NUP160: variants seen among roughly 807,000 people sequenced by gnomAD.
NUP160 encodes the protein nucleoporin 160, also known as nuclear pore complex protein Nup160.
In NUP160, 94 loss-of-function variants were observed where a neutral mutation model predicts 196.9. That is an observed-to-expected ratio of 0.48 (90% CI 0.40 to 0.57). NUP160 has a LOEUF of 0.57. Ranked by LOEUF, NUP160 falls within the 20% of genes least tolerant of loss-of-function variation. The pLI, the probability that NUP160 is intolerant of heterozygous loss-of-function variation, is 0.00. For missense variants in NUP160, 1,638 were observed against 1,748.3 expected, an observed-to-expected ratio of 0.94 and a Z score of 1.13; for synonymous variants, 605 against 619.7, an observed-to-expected ratio of 0.98 and a Z score of 0.35.
At position 47,837,542 on chromosome 11, in the gene NUP160, C is replaced by T. The variant is rs746661560; in HGVS notation, c.827+3G>A. 9 of 1,613,100 alleles carry T rather than the reference C, an allele frequency of 5.6e-6. No homozygotes were observed. The Admixed American group carries it at 1.5e-4, about 27-fold the overall frequency. On this transcript the variant is annotated splice_donor_region_variant and intron_variant, in intron 5 of 35. Transcript: ENST00000378460. ...TTTGATTTACCTGCCAGACACCACT[C>T]ACCTGATAGCTGTTGGCATCCAGCC...
chr11:47,809,028 G>C (rs1477895970), intron 17 of NUP160, among the ~76,000 whole-genome samples: 1 of 151,956 alleles, frequency 6.6e-6, no homozygotes, highest in Non-Finnish European at 1.5e-5. Context: ...TTGAACCCAG[G>C]AGGCGGATGT....
At chr11:47,845,706 T>C (rs190392743) in intron 2 of NUP160, among the ~76,000 whole-genome samples, 19 of 152,338 alleles carry the variant, frequency 1.2e-4, no homozygotes, top group Admixed American at 7.8e-4. Flanking sequence ...TTTCTTTCTT[T>C]CTTCCTGTTT....
At chr11:47,798,769 G>T (rs1290678930) in intron 23 of NUP160, among the ~76,000 whole-genome samples, 2 of 152,038 alleles carry the variant, frequency 1.3e-5, no homozygotes, top group Non-Finnish European at 2.9e-5. Context: ...GTTCAAGGTT[G>T]CAGTGAACTT....
At chr11:47,819,139 C>G (rs879463474) in intron 10 of NUP160, among the ~76,000 whole-genome samples, 7 of 151,924 alleles carry the variant, frequency 4.6e-5, no homozygotes, top group Non-Finnish European at 1.0e-4. Flanking sequence ...CATGGTGAAA[C>G]CCCGTCTCTA....
chr11:47,801,824 T>C (rs1245361058), exon 23 of NUP160: 2 of 1,613,926 alleles, frequency 1.2e-6, no homozygotes, highest in Non-Finnish European at 1.7e-6. Flanking sequence ...GTCATAATAC[T>C]GCAGCCTGGG....
chr11:47,806,790 T>TATACACACACACAC (rs1296127312), intron 19 of NUP160, among the ~76,000 whole-genome samples: 1 of 111,846 alleles, frequency 8.9e-6, no homozygotes, highest in Non-Finnish European at 1.9e-5. Context: ...AAAGCAGCTA[T>TATACACACACACAC]ACACACACAC....
exon 36 of NUP160, chr11:47,778,880 C>A: frequency 4.9e-6 from 2 of 411,704 alleles, no homozygotes; most frequent in Non-Finnish European, 8.7e-6. Flanking sequence ...TATACAAAAG[C>A]AGCTATTTGA....
intron 2 of NUP160, among the ~76,000 whole-genome samples, chr11:47,843,900 T>A (rs1358455397): frequency 6.6e-6 from 1 of 152,198 alleles, no homozygotes; most frequent in African/African-American, 2.4e-5. Context: ...CAACACTCAC[T>A]TGGATATCTA....
chr11:47,826,574 T>C (rs1851972459), intron 7 of NUP160, among the ~76,000 whole-genome samples: 2 of 149,304 alleles, frequency 1.3e-5, no homozygotes, highest in Non-Finnish European at 3.0e-5. Context: ...CCCCCCCTTT[T>C]TTTTTTGAGA....
At chr11:47,785,106 T>TTTTTTTTTTTTTTTTTTTTTTTTG in intron 32 of NUP160, 43 bp from the exon 33 acceptor site, 1 of 981,316 alleles carries the variant, frequency 1.0e-6, no homozygotes, top group Non-Finnish European at 1.4e-6. Context: ...AGATTCTTAA[T>TTTTTTTTTTTTTTTTTTTTTTTTG]AGCTATTTAG....
chr11:47,780,751 A>G (rs2097660258), intron 34 of NUP160, among the ~76,000 whole-genome samples: 1 of 151,840 alleles, frequency 6.6e-6, no homozygotes, highest in South Asian at 2.1e-4. Flanking sequence ...CATGTTGGAC[A>G]GGCTGGTCTC....
chr11:47,810,259 G>A lies in NUP160; in HGVS notation c.2242-1730C>T, dbSNP rs74524842. 5.9e-3 allele frequency among the ~76,000 whole-genome samples: 890 copies of A among 151,796 alleles called. 9 individuals carry two copies. The highest frequency in any genetic ancestry group is 0.011 in the Non-Finnish European group (729 of 67,958). On this transcript the variant is annotated intron_variant, in intron 17 of 35. Transcript: ENST00000378460. Reference sequence around the variant, plus strand: ...GTCATGCAGGCAGAAGTGCAATGGCGCAATCACAGCTCACTGCAGCCTCAA... The same window carrying A: ...GTCATGCAGGCAGAAGTGCAATGGCACAATCACAGCTCACTGCAGCCTCAA...
At chr11:47,822,349 C>T (rs537807722) in intron 7 of NUP160, among the ~76,000 whole-genome samples, 185 bp from the exon 8 acceptor site, 2 of 152,218 alleles carry the variant, frequency 1.3e-5, no homozygotes, top group Admixed American at 6.5e-5. Context: ...CCTCCACCTC[C>T]TAAGTTCAAG....
At chr11:47,838,639 G>GC (rs72512069) in intron 4 of NUP160, among the ~76,000 whole-genome samples, 1 of 151,806 alleles carries the variant, frequency 6.6e-6, no homozygotes, top group South Asian at 2.1e-4. Flanking sequence ...ACCTGGGGGG[G>GC]GCGGAGGTTG....
upstream of NUP160, chr11:47,848,468 C>T (rs898635659): frequency 4.2e-6 from 6 of 1,412,892 alleles, no homozygotes; most frequent in South Asian, 2.7e-5. Flanking sequence ...AGGCTTCCAC[C>T]GGGAGAATGA....
At chr11:47,813,812 C>T (rs886939106) in intron 13 of NUP160, among the ~76,000 whole-genome samples, 8 of 152,096 alleles carry the variant, frequency 5.3e-5, no homozygotes, top group African/African-American at 1.9e-4. Flanking sequence ...TGGCTCACGC[C>T]TGTAATCCCA....
rs372159602 is a variant in NUP160 at position 47,831,842 on chromosome 11, C to CAAAAAAAAA, written c.1101+3800_1101+3808dup. Among the ~76,000 whole-genome samples, 69 of 66,680 alleles carry CAAAAAAAAA rather than the reference C, an allele frequency of 1.0e-3. 2 individuals carry two copies. The highest frequency in any genetic ancestry group is 4.4e-3 in the African/African-American group (62 of 14,108). The allele number at this position is 66,680 out of a possible 152,430, so 43.7% of individuals were successfully genotyped here. A position where few individuals can be genotyped will look rare whatever the true frequency, so the allele number is the denominator to read the frequency against. ...TTAGTGACAAAGCGAGACTCTCTCT[C>CAAAAAAAAA]AAAAAAAAAAAAAAAAAAAAAAAAA... On this transcript the variant is annotated intron_variant, in intron 7 of 35. Transcript: ENST00000378460.
At chr11:47,831,186 C>A (rs1012717096) in intron 7 of NUP160, among the ~76,000 whole-genome samples, 5 of 151,944 alleles carry the variant, frequency 3.3e-5, no homozygotes, top group African/African-American at 9.6e-5. Flanking sequence ...ACAACAACAA[C>A]AAAAAAGCAA....
rs1267625040 is a variant in NUP160 at position 47,848,366 on chromosome 11, C to G, written c.55G>C (p.Ala19Pro). ...CCAACGGAACAAAGGCAGGGCCGCGCGGTCGCCGTCACTTCCGGGGGTGGG... is the reference window on the plus strand; with the variant it reads ...CCAACGGAACAAAGGCAGGGCCGCGGGGTCGCCGTCACTTCCGGGGGTGGG... Residue 19 changes from alanine to proline, a missense_variant, in exon 1 of 36, where the codon GCG becomes CCG. Coordinates refer to ENST00000378460, the Ensembl canonical transcript of NUP160. 6.2e-7 allele frequency: 1 copy of G among 1,610,036 alleles called. No individual in the cohort carries two copies. The highest frequency in any genetic ancestry group is 1.3e-5 in the African/African-American group (1 of 74,852).
Sources: allele counts gnomAD v4.1 joint callset (sites outside exome capture counted in the v4.1 genomes callset), GRCh38; gene constraint gnomAD v4.1.1; transcripts MANE v1.5; gene names NCBI Gene and HGNC (gene_info 2026-07-23, HGNC 2026-07-21).